PTPRD: variants seen among roughly 807,000 people sequenced by gnomAD.
PTPRD encodes receptor-type tyrosine-protein phosphatase delta.
In PTPRD, 34 loss-of-function variants were observed where a neutral mutation model predicts 214.5. That is an observed-to-expected ratio of 0.16 (90% confidence interval 0.12 to 0.21). The LOEUF (loss-of-function observed/expected upper bound fraction) is 0.21, where lower values mean the gene tolerates loss of function less well. Among genes scored for constraint, PTPRD ranks in the 10% least tolerant of loss-of-function variants. The pLI is 1.00. For missense variants in PTPRD, 2,545 were observed against 2,398.7 expected, an observed-to-expected ratio of 1.06 and a Z score of -1.27; for synonymous variants, 1,128 against 845.7, an observed-to-expected ratio of 1.33 and a Z score of -5.79.
chr9:9,940,169 T>G (rs1037428579), intron 4 of PTPRD, among the ~76,000 whole-genome samples: 1 of 152,126 alleles, frequency 6.6e-6, no homozygotes, highest in Admixed American at 6.5e-5. Context: ...GTTACTGACA[T>G]CTAAGAGTCA....
chr9:9,343,003 T>A (rs2047414885), intron 9 of PTPRD, among the ~76,000 whole-genome samples: 1 of 152,160 alleles, frequency 6.6e-6, no homozygotes, highest in Admixed American at 6.6e-5. Context: ...TGTTCCTGTG[T>A]TAGTTTGCTG....
At chr9:8,729,683 T>C (rs1166532244) in intron 12 of PTPRD, among the ~76,000 whole-genome samples, 1 of 152,126 alleles carries the variant, frequency 6.6e-6, no homozygotes. Context: ...AAGAGCAAGA[T>C]TGATCAAAAT....
intron 7 of PTPRD, among the ~76,000 whole-genome samples, chr9:9,731,258 A>G (rs952537945): frequency 2.0e-5 from 3 of 152,128 alleles, no homozygotes; most frequent in Admixed American, 1.3e-4. Context: ...CTAAGTTTGC[A>G]TATTATCATT....
At chr9:9,158,078 A>G (rs868397412) in intron 10 of PTPRD, among the ~76,000 whole-genome samples, 6 of 152,198 alleles carry the variant, frequency 3.9e-5, no homozygotes, top group Admixed American at 1.3e-4. Flanking sequence ...ATAGTATTCC[A>G]TGGTATATAT....
intron 8 of PTPRD, among the ~76,000 whole-genome samples, chr9:9,549,951 G>C (rs973439760): frequency 6.6e-6 from 1 of 151,998 alleles, no homozygotes; most frequent in African/African-American, 2.4e-5. Flanking sequence ...TGGGCTTTCT[G>C]CCCAATAGAT....
chr9:8,519,190 C>G (rs1406303415), intron 20 of PTPRD, among the ~76,000 whole-genome samples: 6 of 152,112 alleles, frequency 3.9e-5, no homozygotes, highest in African/African-American at 1.4e-4. Flanking sequence ...ATTCACCAAT[C>G]ACTTTTTAAG....
At position 8,784,831 on chromosome 9, in the gene PTPRD, T is replaced by C. The variant is rs200507272; in HGVS notation, c.-103-50885A>G. ...AAGCAGAAACACGCGTTTTTCTCTA[T>C]ACTGCCTCCATATCTTACAGTTATC... is the stretch of plus-strand genomic sequence containing the variant. On this transcript the variant is annotated intron_variant, in intron 11 of 45. Coordinates refer to ENST00000381196, the MANE Select transcript of PTPRD (RefSeq NM_002839.4). 4.6e-5 allele frequency among the ~76,000 whole-genome samples: 7 copies of C among 152,348 alleles called. No individual in the cohort carries two copies. In the East Asian group the frequency reaches 1.2e-3, roughly 25 times the overall value.
rs115363785 is a variant in PTPRD, at chr9:8,765,459, T to G, written c.-103-31513A>C. On this transcript the variant is annotated intron_variant, in intron 11 of 45. Coordinates refer to ENST00000381196, the MANE Select transcript of PTPRD (RefSeq NM_002839.4). Reference sequence around the variant, plus strand: ...TAGGCAGCCCGTGGACAGCCCCACATGGTGAGAAAAACCAATCCCTGCCAG... The same window carrying G: ...TAGGCAGCCCGTGGACAGCCCCACAGGGTGAGAAAAACCAATCCCTGCCAG... 7.0e-3 allele frequency among the ~76,000 whole-genome samples: 1,062 copies of G among 152,290 alleles called. 13 individuals carry two copies. The highest frequency in any genetic ancestry group is 0.025 in the African/African-American group (1,019 of 41,582).
chr9:9,462,939 T>A (rs2093795096), intron 8 of PTPRD, among the ~76,000 whole-genome samples: 1 of 152,180 alleles, frequency 6.6e-6, no homozygotes, highest in Admixed American at 6.5e-5. Flanking sequence ...TGTCACCGAT[T>A]GTATAGTTTA....
intron 14 of PTPRD, among the ~76,000 whole-genome samples, chr9:8,557,799 CA>C (rs2084559045): frequency 7.1e-6 from 1 of 140,168 alleles, no homozygotes; most frequent in East Asian, 2.0e-4. Context: ...CACACACACA[CA>C]CACACACATA....
chr9:8,316,875 A>G lies in PTPRD; in HGVS notation c.*999T>C, dbSNP rs1822197628. 4.4e-6 allele frequency: 1 copy of G among 228,580 alleles called. No individual in the cohort carries two copies. The highest frequency in any genetic ancestry group is 8.6e-6 in the Non-Finnish European group (1 of 116,512). The allele number at this position is 228,580 out of a possible 1,614,324, so 14.2% of individuals were successfully genotyped here. A position where few individuals can be genotyped will look rare whatever the true frequency, so the allele number is the denominator to read the frequency against. ...ACAATAGCTTTTCTACGTTTAAAAA[A>G]ACTAAATCATGGAAGAACTGACTGA... On this transcript the variant is annotated 3_prime_UTR_variant, in exon 46 of 46. Coordinates refer to ENST00000381196, the MANE Select transcript of PTPRD (RefSeq NM_002839.4).
chr9:8,767,872 A>C (rs1599162767), intron 11 of PTPRD, among the ~76,000 whole-genome samples: 2 of 152,348 alleles, frequency 1.3e-5, no homozygotes, highest in East Asian at 3.9e-4. Flanking sequence ...AAAAGAAAAA[A>C]GACCCACTGC....
Position 9,947,882 on chromosome 9 carries a change from T to C in PTPRD, c.-471-9272A>G, listed in dbSNP as rs1256887824. 8.6e-5 allele frequency among the ~76,000 whole-genome samples: 13 copies of C among 151,208 alleles called. No individual in the cohort carries two copies. In the Admixed American group the frequency reaches 8.7e-4, roughly 10 times the overall value. ...CCCTGACAGTGAATATATCTATTTT[T>C]AGATAGAATGAATCAAGAAAGACAG... On this transcript the variant is annotated intron_variant, in intron 4 of 45. Coordinates refer to ENST00000381196, the MANE Select transcript of PTPRD (RefSeq NM_002839.4).
intron 7 of PTPRD, among the ~76,000 whole-genome samples, chr9:9,711,085 G>C (rs1281186336): frequency 1.3e-5 from 2 of 152,078 alleles, no homozygotes; most frequent in Non-Finnish European, 2.9e-5. Flanking sequence ...ACCTGGATAG[G>C]ATCAGGCCAT....
intron 2 of PTPRD, among the ~76,000 whole-genome samples, chr9:10,544,515 G>T (rs923982118): frequency 6.6e-6 from 1 of 152,070 alleles, no homozygotes; most frequent in Middle Eastern, 3.4e-3. Context: ...TCAATAATGG[G>T]ATAAAGCAAT....
chr9:10,571,786 G>T (rs1488867146), intron 2 of PTPRD, among the ~76,000 whole-genome samples: 1 of 152,074 alleles, frequency 6.6e-6, no homozygotes, highest in African/African-American at 2.4e-5. Flanking sequence ...TTCTCATAAG[G>T]AACAGGCGAC....
chr9:10,361,441 A>C (rs896728992), intron 2 of PTPRD, among the ~76,000 whole-genome samples: 2 of 152,154 alleles, frequency 1.3e-5, no homozygotes, highest in African/African-American at 4.8e-5. Flanking sequence ...TACAGGGGTA[A>C]GTTACAAAAT....
chr9:9,028,894 C>G (rs1295039688), intron 10 of PTPRD, among the ~76,000 whole-genome samples: 1 of 151,210 alleles, frequency 6.6e-6, no homozygotes, highest in Non-Finnish European at 1.5e-5. Context: ...CGAAGGAGAA[C>G]AGATAAAAAA....
chr9:8,476,444 G>A (rs1276148598), intron 30 of PTPRD, among the ~76,000 whole-genome samples: 1 of 152,092 alleles, frequency 6.6e-6, no homozygotes, highest in African/African-American at 2.4e-5. Context: ...CCCAGGGGTT[G>A]GAGATCTCTG....
Sources: allele counts gnomAD v4.1 joint callset (sites outside exome capture counted in the v4.1 genomes callset), GRCh38; gene constraint gnomAD v4.1.1; transcripts MANE v1.5; gene names NCBI Gene and HGNC (gene_info 2026-07-23, HGNC 2026-07-21).